FAM228B: variants seen among roughly 807,000 people sequenced by gnomAD.
FAM228B encodes family with sequence similarity 228 member B.
FAM228B carries 38 observed loss-of-function variants against 42.6 expected under a neutral mutation model. The ratio of observed to expected loss-of-function variants is 0.89; its 90% CI spans 0.69 to 1.17. FAM228B has a LOEUF of 1.17. Ranked by LOEUF, FAM228B falls within the 50% of genes most tolerant of loss-of-function variation. The pLI is 0.00. For missense variants in FAM228B, 344 were observed against 367.3 expected (o/e 0.94, Z 0.52); for synonymous variants, 109 against 122.3 (o/e 0.89, Z 0.72).
intron 3 of FAM228B, among the ~76,000 whole-genome samples, chr2:24,101,623 T>A (rs149659545): frequency 6.6e-6 from 1 of 152,172 alleles, no homozygotes; most frequent in Non-Finnish European, 1.5e-5. Flanking sequence ...TATTACTTAT[T>A]GCTAGAATTG....
In FAM228B at chr2:24,164,073, T is replaced by C. The variant is rs192990215; in HGVS notation, c.795-125T>C. 44 of 920,300 alleles carry C rather than the reference T, an allele frequency of 4.8e-5. No individual in the cohort carries two copies. The Admixed American group carries it at 6.1e-4, about 13-fold the overall frequency. 57.0% of individuals were successfully genotyped at this position (920,300 alleles called of 1,614,324 possible). ...TTTCACACAAAAAAAGTAAATACGT[T>C]TATTTTCATAAAAATACACAAATTC... is the stretch of plus-strand genomic sequence containing the variant. On this transcript the variant is annotated intron_variant, in intron 8 of 10. Coordinates refer to ENST00000615575, the MANE Select transcript of FAM228B (RefSeq NM_001145710.2).
intron 3 of FAM228B, among the ~76,000 whole-genome samples, chr2:24,111,279 C>T (rs994295668): frequency 1.3e-5 from 2 of 152,156 alleles, no homozygotes; most frequent in South Asian, 4.1e-4. Flanking sequence ...AGGCTGATTT[C>T]GAACTCCTGG....
At chr2:24,120,533 T>G (rs1244884028), upstream of FAM228B, among the ~76,000 whole-genome samples, 2 of 152,102 alleles carry the variant, frequency 1.3e-5, no homozygotes, top group African/African-American at 2.4e-5. Flanking sequence ...TCATTCCTTA[T>G]AAGCAACAGA....
chr2:24,153,180 C>T (rs1327880548), intron 7 of FAM228B, among the ~76,000 whole-genome samples: 4 of 152,230 alleles, frequency 2.6e-5, no homozygotes. Context: ...GCTTGTTGCT[C>T]TATCCTACTA....
At chr2:24,117,323 T>G (rs1665952641) in intron 3 of FAM228B, among the ~76,000 whole-genome samples, 1 of 151,596 alleles carries the variant, frequency 6.6e-6, no homozygotes, top group African/African-American at 2.4e-5. Flanking sequence ...CCTGATTAAT[T>G]TGTGTGACAG....
intron 1 of FAM228B, chr2:24,079,365 G>A: frequency 1.3e-6 from 2 of 1,483,840 alleles, no homozygotes; most frequent in Non-Finnish European, 1.8e-6. Context: ...CTAAGGTAGA[G>A]CTTCCTTTCT....
intron 3 of FAM228B, among the ~76,000 whole-genome samples, chr2:24,098,487 G>C (rs529575749): frequency 6.6e-6 from 1 of 152,296 alleles, no homozygotes; most frequent in African/African-American, 2.4e-5. Context: ...ACTACCATCA[G>C]AGAATACTAT....
intron 3 of FAM228B, among the ~76,000 whole-genome samples, chr2:24,101,130 G>T (rs1665596590): frequency 6.6e-6 from 1 of 152,140 alleles, no homozygotes; most frequent in Admixed American, 6.5e-5. Context: ...GGGGGCTGGT[G>T]GAGGGATAGC....
chr2:24,155,523 ATATATATATTTTT>A (rs1421578490), intron 7 of FAM228B, among the ~76,000 whole-genome samples: 153 of 25,814 alleles, frequency 5.9e-3, no homozygotes, highest in South Asian at 0.015. Flanking sequence ...ATATATATAT[ATATATATATTTTT>A]TTTTTTTTTT....
intron 3 of FAM228B, among the ~76,000 whole-genome samples, chr2:24,109,714 T>C (rs1665757586): frequency 6.6e-6 from 1 of 152,132 alleles, no homozygotes; most frequent in Admixed American, 6.6e-5. Context: ...ATTAGAGAAA[T>C]GCAAATGAAA....
intron 7 of FAM228B, 28 bp from the exon 8 acceptor site, chr2:24,161,478 C>G (rs1354880139): frequency 1.6e-5 from 21 of 1,309,432 alleles, no homozygotes; most frequent in Non-Finnish European, 2.2e-5. Context: ...AACAAAAAAA[C>G]CTTCTCACAC....
At chr2:24,151,299 T>A (rs1667015598) in intron 7 of FAM228B, among the ~76,000 whole-genome samples, 1 of 151,958 alleles carries the variant, frequency 6.6e-6, no homozygotes, top group South Asian at 2.1e-4. Flanking sequence ...TTTTGTTTTT[T>A]TTTTTGAGAC....
chr2:24,155,603 T>C (rs1667123913), intron 7 of FAM228B, among the ~76,000 whole-genome samples: 1 of 143,130 alleles, frequency 7.0e-6, no homozygotes, highest in Non-Finnish European at 1.5e-5. Context: ...TGCAGTGGCC[T>C]GATCTTGGCT....
chr2:24,122,389 AGTCTTAG>A (rs757088711), upstream of FAM228B: 6 of 1,455,264 alleles, frequency 4.1e-6, no homozygotes, highest in Non-Finnish European at 4.8e-6. Context: ...AAGTAAATCA[AGTCTTAG>A]GTCCAAACTT....
At chr2:24,126,492 A>G (rs781608992) in intron 2 of FAM228B, among the ~76,000 whole-genome samples, 1 of 152,198 alleles carries the variant, frequency 6.6e-6, no homozygotes, top group Non-Finnish European at 1.5e-5. Flanking sequence ...CTTCTTTGGC[A>G]AAGTGTTTGT....
chr2:24,115,267 C>A, intron 3 of FAM228B: 3 of 283,346 alleles, frequency 1.1e-5, no homozygotes, highest in Non-Finnish European at 2.0e-5. Context: ...GAGAGCCTTG[C>A]ATTCTTGGCA....
intron 3 of FAM228B, among the ~76,000 whole-genome samples, chr2:24,113,077 T>TGTGA (rs2151000414): frequency 6.6e-6 from 1 of 152,288 alleles, no homozygotes; most frequent in South Asian, 2.1e-4. Context: ...ATTTACAACT[T>TGTGA]GCCTTCCCCA....
At chr2:24,154,630 G>A (rs1667092644) in intron 7 of FAM228B, among the ~76,000 whole-genome samples, 2 of 152,128 alleles carry the variant, frequency 1.3e-5, no homozygotes, top group African/African-American at 2.4e-5. Context: ...GAGCATGAGA[G>A]GAAAAAGAGA....
intron 5 of FAM228B, among the ~76,000 whole-genome samples, chr2:24,145,775 A>C (rs1329248301): frequency 7.5e-6 from 1 of 132,470 alleles, no homozygotes; most frequent in Admixed American, 8.7e-5. Flanking sequence ...CGCAAGCTCC[A>C]CCTCCCGGGT....
Sources: allele counts gnomAD v4.1 joint callset (sites outside exome capture counted in the v4.1 genomes callset), GRCh38; gene constraint gnomAD v4.1.1; transcripts MANE v1.5; gene names NCBI Gene and HGNC (gene_info 2026-07-23, HGNC 2026-07-21).